Variants in PTPRD observed in about 807,000 individuals in gnomAD.
PTPRD encodes receptor-type tyrosine-protein phosphatase delta.
Under a neutral mutation model 214.5 loss-of-function variants are expected in PTPRD, and 34 were observed. The ratio of observed to expected loss-of-function variants is 0.16; its 90% CI spans 0.12 to 0.21. The LOEUF is 0.21. PTPRD is among the 10% of genes least tolerant of loss of function. The pLI is 1.00. For synonymous variants in PTPRD, 1,128 were observed against 845.7 expected (o/e 1.33, Z -5.79); for missense variants, 2,545 against 2,398.7 (o/e 1.06, Z -1.27).
intron 12 of PTPRD, among the ~76,000 whole-genome samples, chr9:8,644,775 G>C (rs957778915): frequency 1.3e-5 from 2 of 152,226 alleles, no homozygotes; most frequent in Non-Finnish European, 2.9e-5. Context: ...GTCTGACTGT[G>C]CAGTGACCAA....
intron 9 of PTPRD, among the ~76,000 whole-genome samples, chr9:9,341,791 G>T (rs1463286675): frequency 2.6e-5 from 4 of 151,806 alleles, no homozygotes; most frequent in African/African-American, 9.7e-5. Context: ...AACACTTCAA[G>T]ATTTTATTTA....
At chr9:10,538,359 A>C (rs992980781) in intron 2 of PTPRD, among the ~76,000 whole-genome samples, 1 of 152,010 alleles carries the variant, frequency 6.6e-6, no homozygotes, top group Admixed American at 6.6e-5. Flanking sequence ...TCTGTTCTCA[A>C]TGACTTTGTT....
intron 11 of PTPRD, among the ~76,000 whole-genome samples, chr9:8,822,891 T>C (rs1420357663): frequency 1.3e-5 from 2 of 151,972 alleles, no homozygotes; most frequent in Admixed American, 6.6e-5. Context: ...GCAGAAAGGA[T>C]TAACAGATTT....
intron 14 of PTPRD, among the ~76,000 whole-genome samples, chr9:8,622,717 C>T (rs979396607): frequency 6.6e-6 from 1 of 151,870 alleles, no homozygotes; most frequent in South Asian, 2.1e-4. Context: ...ATATTGTATG[C>T]CTATCCGAGA....
At chr9:10,005,917 G>A (rs2096464038) in intron 4 of PTPRD, among the ~76,000 whole-genome samples, 1 of 151,958 alleles carries the variant, frequency 6.6e-6, no homozygotes, top group Admixed American at 6.6e-5. Context: ...TCAGTCAAAT[G>A]AGGAAATATT....
intron 11 of PTPRD, among the ~76,000 whole-genome samples, chr9:8,811,004 CTGAA>C (rs1372557109): frequency 6.6e-6 from 1 of 152,124 alleles, no homozygotes; most frequent in Non-Finnish European, 1.5e-5. Context: ...GGAGAAAGCC[CTGAA>C]CAGAAAGGAA....
chr9:9,684,294 A>C (rs2097129850), intron 7 of PTPRD, among the ~76,000 whole-genome samples: 1 of 151,760 alleles, frequency 6.6e-6, no homozygotes, highest in Non-Finnish European at 1.5e-5. Flanking sequence ...TGGACTAGTC[A>C]CCATGACACT....
At chr9:9,493,365 G>A (rs1230448687) in intron 8 of PTPRD, among the ~76,000 whole-genome samples, 1 of 152,176 alleles carries the variant, frequency 6.6e-6, no homozygotes, top group Non-Finnish European at 1.5e-5. Context: ...ACCAGGAACA[G>A]AGTCTACTAA....
intron 9 of PTPRD, among the ~76,000 whole-genome samples, chr9:9,258,480 C>A (rs2099978737): frequency 6.6e-6 from 1 of 151,506 alleles, no homozygotes; most frequent in South Asian, 2.1e-4. Flanking sequence ...TTTGAAAAAT[C>A]TGTTAAGCTT....
chr9:9,570,209 T>C (rs991378309), intron 8 of PTPRD, among the ~76,000 whole-genome samples: 1 of 151,530 alleles, frequency 6.6e-6, no homozygotes, highest in African/African-American at 2.4e-5. Flanking sequence ...TTATCATCAT[T>C]ATTATTATTA....
chr9:10,137,858 C>G (rs1477830705), intron 3 of PTPRD, among the ~76,000 whole-genome samples: 1 of 151,806 alleles, frequency 6.6e-6, no homozygotes, highest in Non-Finnish European at 1.5e-5. Context: ...AACAGAAACA[C>G]AACATATCAA....
chr9:8,863,362 C>G (rs1000164526), intron 11 of PTPRD, among the ~76,000 whole-genome samples: 1 of 152,214 alleles, frequency 6.6e-6, no homozygotes, highest in African/African-American at 2.4e-5. Flanking sequence ...TATCCCAACC[C>G]AAGTGAAACA....
intron 34 of PTPRD, chr9:8,437,077 T>C: frequency 1.4e-6 from 1 of 701,400 alleles, no homozygotes; most frequent in Non-Finnish European, 2.3e-6. Flanking sequence ...ATGGAAATTG[T>C]GTGGAATTAA....
intron 5 of PTPRD, among the ~76,000 whole-genome samples, chr9:9,784,584 G>T (rs1406032410): frequency 6.6e-6 from 1 of 151,800 alleles, no homozygotes; most frequent in Non-Finnish European, 1.5e-5. Context: ...AGCCATCAAG[G>T]TACATCTTAT....
At chr9:10,234,023 C>T (rs368624759) in intron 3 of PTPRD, among the ~76,000 whole-genome samples, 6 of 151,510 alleles carry the variant, frequency 4.0e-5, no homozygotes, top group Non-Finnish European at 7.4e-5. Context: ...GAGGCCGAGG[C>T]GGGTGGTTCA....
intron 2 of PTPRD, among the ~76,000 whole-genome samples, chr9:10,549,315 C>T (rs752231801): frequency 2.0e-5 from 3 of 152,006 alleles, no homozygotes; most frequent in South Asian, 2.1e-4. Context: ...CTCTAATCAC[C>T]AGTGAGAATC....
intron 5 of PTPRD, among the ~76,000 whole-genome samples, chr9:9,883,437 G>T (rs923953127): frequency 1.3e-5 from 2 of 152,056 alleles, no homozygotes; most frequent in Admixed American, 1.3e-4. Flanking sequence ...GTGAAGAGGA[G>T]GTCAACTAGG....
intron 3 of PTPRD, among the ~76,000 whole-genome samples, chr9:10,297,439 G>A (rs633062): frequency 0.31 from 46,343 of 151,686 alleles, 8,419 homozygotes; most frequent in African/African-American, 0.5. Context: ...AAAAAGCAGA[G>A]GTTAGGCAAA....
At chr9:10,186,734 T>C (rs1277975635) in intron 3 of PTPRD, among the ~76,000 whole-genome samples, 9 of 152,158 alleles carry the variant, frequency 5.9e-5, no homozygotes, top group Non-Finnish European at 1.0e-4. Context: ...GTATAAATTA[T>C]TTATCTGTAT....
Sources: allele counts gnomAD v4.1 joint callset (sites outside exome capture counted in the v4.1 genomes callset), GRCh38; gene constraint gnomAD v4.1.1; transcripts MANE v1.5; gene names NCBI Gene and HGNC (gene_info 2026-07-23, HGNC 2026-07-21).